Variants in UTS2B observed in about 807,000 individuals in gnomAD.
UTS2B encodes urotensin-2B.
Under a neutral mutation model 19.2 loss-of-function variants are expected in UTS2B, and 21 were observed. The ratio of observed to expected loss-of-function variants is 1.09; its 90% CI spans 0.78 to 1.58. UTS2B has a LOEUF of 1.58. Ranked by LOEUF, UTS2B falls within the 40% of genes most tolerant of loss-of-function variation. The probability of loss-of-function intolerance (pLI) is 0.00; values close to 1 mark genes in which losing one functional copy is unlikely to be tolerated. For missense variants in UTS2B, 138 were observed against 130.3 expected (o/e 1.06, Z -0.29); for synonymous variants, 57 against 50.2 (o/e 1.14, Z -0.58).
intron 2 of UTS2B, among the ~76,000 whole-genome samples, chr3:191,319,485 A>C (rs941231865): frequency 2.0e-5 from 3 of 152,138 alleles, no homozygotes; most frequent in African/African-American, 2.4e-5. Context: ...TTTCTTTTTA[A>C]CTTAGTTGCT....
intron 4 of UTS2B, among the ~76,000 whole-genome samples, chr3:191,295,258 A>G (rs1050710690): frequency 6.6e-6 from 1 of 151,950 alleles, no homozygotes; most frequent in African/African-American, 2.4e-5. Context: ...TCACTGAAAT[A>G]CTAAAATAGC....
At chr3:191,273,638 T>C (rs1716151753) in intron 8 of UTS2B, 2 of 455,614 alleles carry the variant, frequency 4.4e-6, no homozygotes, top group Non-Finnish European at 8.8e-6. Flanking sequence ...ACCATGCCTC[T>C]GAGATTTAGA....
At chr3:191,331,933 C>A (rs946008937), upstream of UTS2B, among the ~76,000 whole-genome samples, 2 of 152,166 alleles carry the variant, frequency 1.3e-5, no homozygotes, top group African/African-American at 4.8e-5. Context: ...TATTCTGATG[C>A]AGATTTTTGA....
At chr3:191,329,671 C>A (rs911695399) in intron 1 of UTS2B, 1 of 1,608,736 alleles carries the variant, frequency 6.2e-7, no homozygotes, top group Non-Finnish European at 8.5e-7. Flanking sequence ...GACCCTGGCC[C>A]GGTATGGCTG....
intron 4 of UTS2B, among the ~76,000 whole-genome samples, chr3:191,298,963 T>C (rs1349756430): frequency 6.6e-6 from 1 of 152,246 alleles, no homozygotes; most frequent in Non-Finnish European, 1.5e-5. Flanking sequence ...TCTAGGGATC[T>C]GTGGAACTTT....
intron 3 of UTS2B, among the ~76,000 whole-genome samples, chr3:191,304,912 A>G (rs1560142480): frequency 6.6e-6 from 1 of 152,138 alleles, no homozygotes; most frequent in Admixed American, 6.5e-5. Context: ...CTTACAAGTG[A>G]GAACATACCA....
At position 191,268,278 on chromosome 3, in the gene UTS2B, T is replaced by C. The variant is rs943710689; in HGVS notation, c.*138A>G. ...TGTCTTTACACAATCCCGCATGCAA[T>C]TTTGTATTTACAATAATCAGGAGCA... On this transcript the variant is annotated 3_prime_UTR_variant, in exon 9 of 9. Coordinates refer to ENST00000340524, the MANE Select transcript of UTS2B (RefSeq NM_198152.5). 2 of 656,120 alleles carry C rather than the reference T, an allele frequency of 3.0e-6. No homozygotes were observed. The highest frequency in any genetic ancestry group is 4.9e-6 in the Non-Finnish European group (2 of 404,866). 40.6% of individuals were successfully genotyped at this position (656,120 alleles called of 1,614,324 possible). A position where few individuals can be genotyped will look rare whatever the true frequency, so the allele number is the denominator to read the frequency against.
intron 5 of UTS2B, among the ~76,000 whole-genome samples, chr3:191,281,476 G>C (rs1251782846): frequency 6.6e-6 from 1 of 151,672 alleles, no homozygotes; most frequent in Non-Finnish European, 1.5e-5. Context: ...TATAAGAGCA[G>C]AAACTTATTT....
intron 2 of UTS2B, among the ~76,000 whole-genome samples, chr3:191,327,811 T>TA (rs1717788106): frequency 6.6e-6 from 1 of 152,160 alleles, no homozygotes; most frequent in Non-Finnish European, 1.5e-5. Flanking sequence ...AAATATTCTC[T>TA]AGACCACAGG....
chr3:191,270,520 A>G (rs78961218), intron 8 of UTS2B, among the ~76,000 whole-genome samples: 4,525 of 152,176 alleles, frequency 0.03, 132 homozygotes, highest in Middle Eastern at 0.13. Context: ...TGTAATATCT[A>G]CTTTCTTAAA....
chr3:191,280,315 C>T (rs1407823427), intron 5 of UTS2B, among the ~76,000 whole-genome samples: 1 of 152,132 alleles, frequency 6.6e-6, no homozygotes. Flanking sequence ...TTCCCTCAGG[C>T]ACACTTTTAT....
chr3:191,272,090 G>A (rs1716109008), intron 8 of UTS2B, among the ~76,000 whole-genome samples: 2 of 152,180 alleles, frequency 1.3e-5, no homozygotes, highest in African/African-American at 4.8e-5. Flanking sequence ...TCCACATAGT[G>A]TATGCATGAA....
chr3:191,274,367 T>A (rs1716172955), intron 8 of UTS2B, among the ~76,000 whole-genome samples: 1 of 152,220 alleles, frequency 6.6e-6, no homozygotes, highest in Non-Finnish European at 1.5e-5. Flanking sequence ...ATACTAGGAA[T>A]TATTTTAAAT....
chr3:191,333,465 T>C (rs1718052515), upstream of UTS2B, among the ~76,000 whole-genome samples: 1 of 152,204 alleles, frequency 6.6e-6, no homozygotes, highest in South Asian at 2.1e-4. Context: ...CAGATGGCAG[T>C]GTCCATGAGA....
At chr3:191,313,983 G>C (rs575432622) in intron 3 of UTS2B, among the ~76,000 whole-genome samples, 1 of 151,988 alleles carries the variant, frequency 6.6e-6, no homozygotes, top group Admixed American at 6.6e-5. Context: ...CACCCACCTC[G>C]ACCTCCCAAA....
intron 8 of UTS2B, among the ~76,000 whole-genome samples, chr3:191,270,767 T>G (rs1217186582): frequency 6.6e-6 from 1 of 152,214 alleles, no homozygotes; most frequent in African/African-American, 2.4e-5. Context: ...TTACTGGATC[T>G]ATCATAGTGA....
upstream of UTS2B, among the ~76,000 whole-genome samples, chr3:191,335,486 G>C (rs1005956042): frequency 1.3e-5 from 2 of 152,098 alleles, no homozygotes; most frequent in African/African-American, 2.4e-5. Context: ...GGGATTACTT[G>C]GATGTTTGAA....
chr3:191,287,610 A>C (rs1716592688), intron 4 of UTS2B, among the ~76,000 whole-genome samples: 1 of 152,098 alleles, frequency 6.6e-6, no homozygotes, highest in South Asian at 2.1e-4. Context: ...GTACCTCGGC[A>C]CAATAAAGCC....
intron 2 of UTS2B, among the ~76,000 whole-genome samples, chr3:191,324,828 C>T (rs1297478826): frequency 6.6e-6 from 1 of 152,094 alleles, no homozygotes; most frequent in Non-Finnish European, 1.5e-5. Flanking sequence ...GCAGGTAGAT[C>T]ACTCGAGATT....
Sources: allele counts gnomAD v4.1 joint callset (sites outside exome capture counted in the v4.1 genomes callset), GRCh38; gene constraint gnomAD v4.1.1; transcripts MANE v1.5; gene names NCBI Gene and HGNC (gene_info 2026-07-23, HGNC 2026-07-21).